Variants in TEX101 observed in about 807,000 individuals in gnomAD.
The protein encoded by TEX101 is testis expressed 101, also known as testis-expressed protein 101.
In TEX101, 10 loss-of-function variants were observed where a neutral mutation model predicts 18.1. The observed-to-expected ratio is 0.55, with a 90% CI of 0.34 to 0.94. TEX101 has a LOEUF of 0.94. Ranked by LOEUF, TEX101 falls within the 40% of genes least tolerant of loss-of-function variation. The probability of loss-of-function intolerance (pLI) is 0.02; values close to 1 mark genes in which losing one functional copy is unlikely to be tolerated. For synonymous variants in TEX101, 94 were observed against 114.8 expected (o/e 0.82, Z 1.16); for missense variants, 259 against 298.9 (o/e 0.87, Z 0.98).
the TEX101 span, among the ~76,000 whole-genome samples, chr19:43,393,024 C>G: frequency 6.9e-6 from 1 of 144,612 alleles, no homozygotes; most frequent in African/African-American, 2.7e-5. Flanking sequence ...TGCCACTGCA[C>G]TCCAGCCTGG....
the TEX101 span, among the ~76,000 whole-genome samples, chr19:43,390,460 C>CTTTTTCTTTTTTTTTTTTTTT: frequency 2.0e-5 from 1 of 49,856 alleles, no homozygotes; most frequent in African/African-American, 8.3e-5. Context: ...CTTTTTTTTT[C>CTTTTTCTTTTTTTTTTTTTTT]TTTTTTTTTT....
chr19:43,395,600 A>G, the TEX101 span, among the ~76,000 whole-genome samples: 1 of 152,244 alleles, frequency 6.6e-6, no homozygotes, highest in African/African-American at 2.4e-5. Flanking sequence ...CATGCTCTCA[A>G]GGACCTCCCA....
Position 43,408,296 on chromosome 19 carries a change from C to T in TEX101, c.15+1777C>T, listed in dbSNP as rs1349511260. On this transcript the variant is annotated intron_variant, in intron 3 of 7. Coordinates refer to the TEX101 transcript ENST00000602198. ...GTCTTCTCCTCGTTCTGCCCGGGCTCGACCAGGGGCTAGATCGGGGTTCGG... is the reference window on the plus strand; with the variant it reads ...GTCTTCTCCTCGTTCTGCCCGGGCTTGACCAGGGGCTAGATCGGGGTTCGG... Among the ~76,000 whole-genome samples, 3 of 148,396 alleles carry T rather than the reference C, an allele frequency of 2.0e-5. No homozygotes were observed. The South Asian group carries it at 6.6e-4, about 33-fold the overall frequency.
chr19:43,415,154 G>A (rs1051735569), intron 1 of TEX101, 116 bp downstream of exon 1: 2 of 758,592 alleles, frequency 2.6e-6, no homozygotes, highest in African/African-American at 3.8e-5. Flanking sequence ...GGAAAAGGTG[G>A]TTGGAACCCA....
chr19:43,398,519 C>T (rs1444206198), upstream of TEX101, among the ~76,000 whole-genome samples: 1 of 151,954 alleles, frequency 6.6e-6, no homozygotes, highest in Non-Finnish European at 1.5e-5. Context: ...CATGATCTAC[C>T]TAAATGCTGG....
At chr19:43,406,175 C>T (rs1970361343) in intron 2 of TEX101, 1 of 242,182 alleles carries the variant, frequency 4.1e-6, no homozygotes, top group South Asian at 8.6e-5. Flanking sequence ...TAAAACAAAA[C>T]ACAGCTTAGG....
In TEX101 at chr19:43,418,479, G is replaced by A. The variant is rs1174521788; in HGVS notation, c.*82G>A. ...CTGTTGAGGTTCAACAAGCTGAGGA[G>A]TAGATGGGAATTTGAGGGAGAATAC... On this transcript the variant is annotated 3_prime_UTR_variant, in exon 6 of 6. Transcript: ENST00000598265. The A allele has an allele frequency of 1.7e-6, 2 of 1,150,492 alleles. No homozygotes were observed. The highest frequency in any genetic ancestry group is 2.4e-5 in the East Asian group (1 of 42,398). The allele number at this position is 1,150,492 out of a possible 1,614,324, so 71.3% of individuals were successfully genotyped here. A position where few individuals can be genotyped will look rare whatever the true frequency, so the allele number is the denominator to read the frequency against.
At chr19:43,407,258 C>A (rs911830400) in intron 3 of TEX101, among the ~76,000 whole-genome samples, 5 of 152,008 alleles carry the variant, frequency 3.3e-5, no homozygotes, top group Non-Finnish European at 7.4e-5. Context: ...CCAAGGCGGG[C>A]GAATCACCTG....
At chr19:43,403,554 G>A (rs1187484544) in intron 2 of TEX101, among the ~76,000 whole-genome samples, 1 of 151,736 alleles carries the variant, frequency 6.6e-6, no homozygotes, top group Admixed American at 6.6e-5. Context: ...TGCACGTTGT[G>A]CACATGTACC....
chr19:43,415,986 G>A lies in TEX101; in HGVS notation c.64+3G>A, dbSNP rs191743437. On this transcript the variant is annotated splice_donor_region_variant and intron_variant, in intron 2 of 5. Coordinates refer to ENST00000598265, the MANE Select transcript of TEX101 (RefSeq NM_001130011.3). ...CCTAGGAGCCTCCCTCCTGACCTGT[G>A]CGTATGGGGGACATAGGGGAGAGCC... The A allele has an allele frequency of 4.1e-4, 655 of 1,614,024 alleles. No homozygotes were observed. Among genetic ancestry groups the A allele is most frequent in the Admixed American group, 8.3e-4 (50 of 59,996 alleles).
upstream of TEX101, among the ~76,000 whole-genome samples, chr19:43,413,195 A>T (rs1004505196): frequency 6.6e-6 from 1 of 152,164 alleles, no homozygotes; most frequent in South Asian, 2.1e-4. Context: ...GGACCCCTCG[A>T]AGTTGTAAGC....
chr19:43,414,768 T>C, upstream of TEX101: 1 of 901,378 alleles, frequency 1.1e-6, no homozygotes, highest in Non-Finnish European at 1.3e-6. Context: ...GGAATTGACT[T>C]CTCTGTGGCC....
chr19:43,414,731 G>A (rs139750277), upstream of TEX101: 4,801 of 672,940 alleles, frequency 7.1e-3, 22 homozygotes, highest in Non-Finnish European at 8.1e-3. Flanking sequence ...CTCACCTTCC[G>A]AGCATGCGCA....
chr19:43,410,771 C>A (rs1970412270), upstream of TEX101, among the ~76,000 whole-genome samples: 1 of 151,298 alleles, frequency 6.6e-6, no homozygotes, highest in Non-Finnish European at 1.5e-5. Context: ...CAGATACACA[C>A]AGACATACAT....
intron 1 of TEX101, 40 bp from the exon 2 acceptor site, chr19:43,415,841 G>A (rs1427935643): frequency 6.3e-7 from 1 of 1,578,478 alleles, no homozygotes; most frequent in South Asian, 1.1e-5. Context: ...CATGCACTCT[G>A]GCTGAAAAGT....
At chr19:43,395,323 A>T in the TEX101 span, among the ~76,000 whole-genome samples, 64,545 of 152,118 alleles carry the variant, frequency 0.42, 14,503 homozygotes, top group East Asian at 0.72. Context: ...TGATTCTCAA[A>T]GGCCTTAAGC....
At chr19:43,393,681 G>A in the TEX101 span, among the ~76,000 whole-genome samples, 8 of 152,140 alleles carry the variant, frequency 5.3e-5, no homozygotes, top group Admixed American at 1.3e-4. Flanking sequence ...CTCTGTGCCC[G>A]ATACTTGTAC....
chr19:43,402,366 G>T (rs1970325354), intron 1 of TEX101, among the ~76,000 whole-genome samples: 1 of 152,192 alleles, frequency 6.6e-6, no homozygotes, highest in Admixed American at 6.5e-5. Context: ...GTCTAGAGTT[G>T]TCACAATAAT....
In TEX101 at chr19:43,416,091, C is replaced by T. The variant is rs202065398; in HGVS notation, c.65-8C>T. The T allele has an allele frequency of 6.0e-5, 96 of 1,605,926 alleles. 1 individual carries two copies. Among genetic ancestry groups the T allele is most frequent in the Non-Finnish European group, 7.6e-5 (89 of 1,176,482 alleles). ...GAAGTGCTTATCCTTTTCTTGTTTT[C>T]TCCTCAGCGGGCCTAGAGCTGTATT... is the stretch of plus-strand genomic sequence containing the variant. On this transcript the variant is annotated splice_region_variant and splice_polypyrimidine_tract_variant and intron_variant, in intron 2 of 5. Transcript: ENST00000598265.
Sources: allele counts gnomAD v4.1 joint callset (sites outside exome capture counted in the v4.1 genomes callset), GRCh38; gene constraint gnomAD v4.1.1; transcripts MANE v1.5; gene names NCBI Gene and HGNC (gene_info 2026-07-23, HGNC 2026-07-21).